Variants in CFAP221 observed in about 807,000 individuals in gnomAD.
The protein encoded by CFAP221 is cilia- and flagella-associated protein 221.
A neutral mutation model predicts 113.1 loss-of-function variants in CFAP221; 97 were observed. That is an observed-to-expected ratio of 0.86 (90% CI 0.73 to 1.02). The LOEUF is 1.02. Among genes scored for constraint, CFAP221 ranks in the 50% least tolerant of loss-of-function variants. CFAP221 has a pLI of 0.00. For synonymous variants in CFAP221, 331 were observed against 354.4 expected, an observed-to-expected ratio of 0.93 and a Z score of 0.74; for missense variants, 1,025 against 1,013.4, an observed-to-expected ratio of 1.01 and a Z score of -0.16.
chr2:119,615,352 G>A (rs531566475), intron 13 of CFAP221, among the ~76,000 whole-genome samples: 3 of 152,308 alleles, frequency 2.0e-5, no homozygotes, highest in South Asian at 4.1e-4. Flanking sequence ...AAAGTCACAT[G>A]TGTTTGCTTG....
chr2:119,576,302 A>G (rs1682438064), intron 6 of CFAP221, among the ~76,000 whole-genome samples: 1 of 152,120 alleles, frequency 6.6e-6, no homozygotes. Context: ...CCCAGGTACT[A>G]TGCCTAGTAC....
At chr2:119,558,504 G>A (rs569194053) in intron 3 of CFAP221, among the ~76,000 whole-genome samples, 69 of 152,294 alleles carry the variant, frequency 4.5e-4, no homozygotes, top group African/African-American at 1.4e-3. Flanking sequence ...ATGTTCACAT[G>A]TAATAAATAA....
At chr2:119,596,936 A>C (rs1329154316) in intron 7 of CFAP221, among the ~76,000 whole-genome samples, 1 of 152,246 alleles carries the variant, frequency 6.6e-6, no homozygotes, top group African/African-American at 2.4e-5. Context: ...GTGGAGCAAA[A>C]GGAAGACCTA....
At chr2:119,652,756 A>G (rs573523802) in intron 23 of CFAP221, among the ~76,000 whole-genome samples, 11 of 152,192 alleles carry the variant, frequency 7.2e-5, no homozygotes, top group Admixed American at 3.9e-4. Flanking sequence ...TAAACCACCT[A>G]TAGTTCATAT....
chr2:119,651,508 A>C (rs1185558071), intron 22 of CFAP221, among the ~76,000 whole-genome samples: 3 of 135,214 alleles, frequency 2.2e-5, no homozygotes, highest in Non-Finnish European at 4.8e-5. Flanking sequence ...AAAAAAAAAA[A>C]CTAGACTATT....
Position 119,656,560 on chromosome 2 carries a change from T to C in CFAP221, c.*90T>C, listed in dbSNP as rs1688448409. ...TTTACATGCCAGCCATCTCTGCAATTAAAGTTTCTGGATAAAAAAATGAAA... is the reference window on the plus strand; with the variant it reads ...TTTACATGCCAGCCATCTCTGCAATCAAAGTTTCTGGATAAAAAAATGAAA... On this transcript the variant is annotated 3_prime_UTR_variant, in exon 24 of 24. Transcript: ENST00000413369. 131 of 807,580 alleles carry C rather than the reference T, an allele frequency of 1.6e-4. 6 individuals are homozygous for C. The South Asian group carries it at 2.0e-3, about 13-fold the overall frequency. 50.0% of individuals were successfully genotyped at this position (807,580 alleles called of 1,614,324 possible).
chr2:119,583,475 A>G (rs1682987526), intron 6 of CFAP221, among the ~76,000 whole-genome samples: 2 of 146,540 alleles, frequency 1.4e-5, no homozygotes, highest in African/African-American at 5.1e-5. Flanking sequence ...CCTAGACTGT[A>G]CAATTTTTTA....
Position 119,638,392 on chromosome 2 carries a change from C to T in CFAP221, c.2108C>T (p.Thr703Ile). The T allele has an allele frequency of 6.2e-7, 1 of 1,614,166 alleles. No homozygotes were observed. Among genetic ancestry groups the T allele is most frequent in the Non-Finnish European group, 8.5e-7 (1 of 1,180,036 alleles). ...ESRHGSSIPV[T>I]QKQFLHHTDI... ...CGCCACGGGTCCAGCATTCCTGTCACCCAAAAGCAGTTTCTCCATCACACG... is the reference window on the plus strand; with the variant it reads ...CGCCACGGGTCCAGCATTCCTGTCATCCAAAAGCAGTTTCTCCATCACACG... Residue 703 changes from threonine to isoleucine, a missense_variant, in exon 20 of 24, where the codon ACC (threonine) becomes ATC (isoleucine). Physicochemically the swap from Thr to Ile is moderately conservative, Grantham distance 89. Coordinates refer to ENST00000413369, the MANE Select transcript of CFAP221 (RefSeq NM_001271049.2).
intron 3 of CFAP221, among the ~76,000 whole-genome samples, chr2:119,553,849 A>AT (rs1447280982): frequency 1.3e-5 from 2 of 152,166 alleles, no homozygotes; most frequent in Non-Finnish European, 2.9e-5. Flanking sequence ...AGTGCCTGAC[A>AT]TGCAGAAGGC....
At chr2:119,649,348 A>C (rs182913181) in intron 22 of CFAP221, among the ~76,000 whole-genome samples, 2 of 152,318 alleles carry the variant, frequency 1.3e-5, no homozygotes, top group East Asian at 3.9e-4. Context: ...TCAAAAATGC[A>C]CTTTCAACTC....
chr2:119,568,488 C>T (rs927219769), intron 6 of CFAP221, among the ~76,000 whole-genome samples: 9 of 152,116 alleles, frequency 5.9e-5, no homozygotes, highest in African/African-American at 9.7e-5. Context: ...TCTCCCTCCC[C>T]GTGCCCCCCA....
At chr2:119,641,778 TGACA>T (rs1262188586) in intron 21 of CFAP221, among the ~76,000 whole-genome samples, 2 of 152,122 alleles carry the variant, frequency 1.3e-5, no homozygotes, top group Non-Finnish European at 2.9e-5. Context: ...GTCACCACAT[TGACA>T]GACTGCCTCA....
intron 13 of CFAP221, among the ~76,000 whole-genome samples, chr2:119,614,143 T>C (rs1685366873): frequency 6.6e-6 from 1 of 152,190 alleles, no homozygotes; most frequent in South Asian, 2.1e-4. Context: ...AAGTTCCTCA[T>C]CTCCACCTGA....
intron 13 of CFAP221, among the ~76,000 whole-genome samples, chr2:119,612,688 A>G (rs1283756701): frequency 1.3e-5 from 2 of 152,186 alleles, no homozygotes; most frequent in Non-Finnish European, 2.9e-5. Context: ...CCCTTCTATG[A>G]GGGTCATGTC....
At position 119,551,759 on chromosome 2, in the gene CFAP221, A is replaced by G. The variant is rs146075480; in HGVS notation, c.240+2574A>G. 7.9e-3 allele frequency among the ~76,000 whole-genome samples: 1,198 copies of G among 152,334 alleles called. 7 individuals are homozygous for G. Among genetic ancestry groups the G allele is most frequent in the Non-Finnish European group, 0.013 (865 of 68,024 alleles). On this transcript the variant is annotated intron_variant, in intron 3 of 23. Coordinates refer to ENST00000413369, the MANE Select transcript of CFAP221 (RefSeq NM_001271049.2). ...TTCCTTGCAATTCCAAATGAATTTT[A>G]GGATCAGCTTTTCAATTTCTGCAAG...
intron 14 of CFAP221, 139 bp from the exon 15 acceptor site, chr2:119,625,444 C>T: frequency 1.4e-6 from 1 of 693,198 alleles, no homozygotes; most frequent in Admixed American, 2.5e-5. Flanking sequence ...GGGAGAGTAG[C>T]ATGCCACACT....
chr2:119,637,057 T>A (rs1417369394), intron 19 of CFAP221, among the ~76,000 whole-genome samples: 3 of 152,146 alleles, frequency 2.0e-5, no homozygotes, highest in African/African-American at 7.2e-5. Context: ...ACTATCCCCA[T>A]AGGGTGGGCC....
chr2:119,563,407 TC>T (rs1168264947), intron 6 of CFAP221, among the ~76,000 whole-genome samples: 2 of 152,210 alleles, frequency 1.3e-5, no homozygotes, highest in African/African-American at 2.4e-5. Flanking sequence ...TATGGAACCC[TC>T]AAATGCAGAG....
rs144607682 is a variant in CFAP221, at chr2:119,577,487, G to A, written c.528-9632G>A. Reference sequence around the variant, plus strand: ...GGAAGGGGACTGCAATGTAAACAACGCAATGCCAGGAGCTTTTCTGTAATA... The same window carrying A: ...GGAAGGGGACTGCAATGTAAACAACACAATGCCAGGAGCTTTTCTGTAATA... On this transcript the variant is annotated intron_variant, in intron 6 of 23. Coordinates refer to ENST00000413369, the MANE Select transcript of CFAP221 (RefSeq NM_001271049.2). Among the ~76,000 whole-genome samples, 454 of 152,274 alleles carry A rather than the reference G, an allele frequency of 3.0e-3. 1 individual carries two copies. Among genetic ancestry groups the A allele is most frequent in the African/African-American group, 9.8e-3 (407 of 41,560 alleles).
Sources: allele counts gnomAD v4.1 joint callset (sites outside exome capture counted in the v4.1 genomes callset), GRCh38; gene constraint gnomAD v4.1.1; transcripts MANE v1.5; gene names NCBI Gene and HGNC (gene_info 2026-07-23, HGNC 2026-07-21).